The following PIGL variants were observed in gnomAD, a reference collection of about 807,000 sequenced individuals.
PIGL encodes phosphatidylinositol glycan anchor biosynthesis class L, also known as N-acetylglucosaminyl-phosphatidylinositol de-N-acetylase.
In PIGL, 22 loss-of-function variants were observed where a neutral mutation model predicts 31.1. The ratio of observed to expected loss-of-function variants is 0.71; its 90% CI spans 0.51 to 1.01. The LOEUF is 1.01. PIGL is among the 50% of genes least tolerant of loss of function. The pLI is 0.00. For synonymous variants in PIGL, 131 were observed against 117.4 expected (o/e 1.12, Z -0.75); for missense variants, 302 against 315.9 (o/e 0.96, Z 0.33).
At chr17:16,246,892 T>G (rs1318752010) in intron 2 of PIGL, among the ~76,000 whole-genome samples, 2 of 150,606 alleles carry the variant, frequency 1.3e-5, no homozygotes, top group Non-Finnish European at 3.0e-5. Flanking sequence ...GGTTTCACCT[T>G]GTTAGCCAGG....
Position 16,326,085 on chromosome 17 carries a change from C to G in PIGL, c.*187C>G. 1.8e-6 allele frequency: 1 copy of G among 567,502 alleles called. No homozygotes were observed. Among genetic ancestry groups the G allele is most frequent in the Non-Finnish European group, 3.1e-6 (1 of 320,942 alleles). The allele number at this position is 567,502 out of a possible 1,614,324, so 35.2% of individuals were successfully genotyped here. A position where few individuals can be genotyped will look rare whatever the true frequency, so the allele number is the denominator to read the frequency against. ...CCAGCTTCTTCCCCTGGGAAAAAACCCAAAGAACCAAAAACAAACCACCCC... is the reference window on the plus strand; with the variant it reads ...CCAGCTTCTTCCCCTGGGAAAAAACGCAAAGAACCAAAAACAAACCACCCC... On this transcript the variant is annotated 3_prime_UTR_variant, in exon 7 of 7. Transcript: ENST00000225609.
intron 4 of PIGL, 105 bp downstream of exon 4, chr17:16,313,719 A>C (rs2093064635): frequency 2.2e-6 from 2 of 903,292 alleles, no homozygotes; most frequent in Non-Finnish European, 1.9e-6. Context: ...GAGCCCATGA[A>C]ACTCACTGCT....
intron 2 of PIGL, among the ~76,000 whole-genome samples, chr17:16,240,527 A>G (rs2092718234): frequency 6.6e-6 from 1 of 152,008 alleles, no homozygotes; most frequent in Non-Finnish European, 1.5e-5. Context: ...TATTTGAGAC[A>G]GAGTTTTGCT....
intron 2 of PIGL, 165 bp downstream of exon 2, chr17:16,234,235 C>T (rs1600753869): frequency 6.2e-6 from 3 of 485,466 alleles, no homozygotes; most frequent in East Asian, 3.1e-5. Context: ...TTTGGGAGGC[C>T]GAGGTGGGCG....
At chr17:16,246,910 C>G (rs1486297594) in intron 2 of PIGL, among the ~76,000 whole-genome samples, 1 of 150,836 alleles carries the variant, frequency 6.6e-6, no homozygotes, top group Admixed American at 6.6e-5. Flanking sequence ...AGGATGGTCT[C>G]GATCTCCTGA....
intron 2 of PIGL, among the ~76,000 whole-genome samples, chr17:16,293,500 C>T (rs1231086245): frequency 6.6e-6 from 1 of 152,204 alleles, no homozygotes; most frequent in Non-Finnish European, 1.5e-5. Context: ...TGCACTCCAG[C>T]CTGGGTGACA....
At chr17:16,228,696 C>G (rs996321648) in intron 1 of PIGL, among the ~76,000 whole-genome samples, 2 of 152,180 alleles carry the variant, frequency 1.3e-5, no homozygotes, top group Admixed American at 1.3e-4. Flanking sequence ...CGATTTTAAA[C>G]ATTTTTAAGT....
At chr17:16,246,016 G>T (rs1600770837) in intron 2 of PIGL, among the ~76,000 whole-genome samples, 1 of 150,206 alleles carries the variant, frequency 6.7e-6, no homozygotes. Context: ...GTAGAGACGG[G>T]GTTTCACCAT....
At chr17:16,322,550 T>A (rs564391276) in intron 6 of PIGL, among the ~76,000 whole-genome samples, 1 of 152,368 alleles carries the variant, frequency 6.6e-6, no homozygotes, top group East Asian at 1.9e-4. Context: ...TGTCATTTAA[T>A]TATAAGTAAT....
chr17:16,252,727 T>TA (rs1157397622), intron 2 of PIGL, among the ~76,000 whole-genome samples: 1 of 152,194 alleles, frequency 6.6e-6, no homozygotes, highest in Non-Finnish European at 1.5e-5. Flanking sequence ...ATTTTGATAA[T>TA]ATTTTATTTG....
At chr17:16,236,931 G>T (rs912180889) in intron 2 of PIGL, among the ~76,000 whole-genome samples, 9 of 151,766 alleles carry the variant, frequency 5.9e-5, no homozygotes, top group Non-Finnish European at 1.3e-4. Flanking sequence ...TAAGATGTAT[G>T]TTTTTTATGT....
chr17:16,242,441 A>G (rs2092726692), intron 2 of PIGL, among the ~76,000 whole-genome samples: 3 of 152,022 alleles, frequency 2.0e-5, no homozygotes, highest in Admixed American at 2.0e-4. Flanking sequence ...TGCTGTGAAA[A>G]AGATTTTTTG....
intron 2 of PIGL, among the ~76,000 whole-genome samples, chr17:16,269,759 A>AT (rs34927087): frequency 0.43 from 63,784 of 149,800 alleles, 14,252 homozygotes; most frequent in East Asian, 0.75. Flanking sequence ...AAGAACCTGA[A>AT]TTTTTTTTTT....
At chr17:16,286,837 C>T (rs764938060) in intron 2 of PIGL, among the ~76,000 whole-genome samples, 36 of 152,186 alleles carry the variant, frequency 2.4e-4, no homozygotes, top group Non-Finnish European at 4.7e-4. Context: ...TAGCCACTGA[C>T]TGATGGTACC....
intron 3 of PIGL, among the ~76,000 whole-genome samples, chr17:16,311,910 C>T (rs991217694): frequency 6.6e-6 from 1 of 152,212 alleles, no homozygotes; most frequent in Admixed American, 6.5e-5. Flanking sequence ...CCCCACCTTT[C>T]CCCCTTTTCT....
intron 3 of PIGL, among the ~76,000 whole-genome samples, chr17:16,310,361 T>C (rs779349285): frequency 6.6e-5 from 10 of 151,840 alleles, no homozygotes; most frequent in Non-Finnish European, 1.2e-4. Context: ...TATGTACTTA[T>C]CTTTTCAAAT....
At chr17:16,260,257 G>A (rs898366623) in intron 2 of PIGL, among the ~76,000 whole-genome samples, 13 of 152,212 alleles carry the variant, frequency 8.5e-5, no homozygotes, top group East Asian at 1.9e-4. Flanking sequence ...GCAGGTGCCC[G>A]ATGAAGCCCC....
chr17:16,260,948 G>A (rs1340236384), intron 2 of PIGL, among the ~76,000 whole-genome samples: 7 of 151,788 alleles, frequency 4.6e-5, no homozygotes, highest in African/African-American at 1.5e-4. Flanking sequence ...TGAAACCCCC[G>A]TCTCTACTAA....
Position 16,299,982 on chromosome 17 carries a change from A to T in PIGL, c.426+4A>T. 6.2e-7 allele frequency: 1 copy of T among 1,609,742 alleles called. No individual in the cohort carries two copies. The highest frequency in any genetic ancestry group is 8.5e-7 in the Non-Finnish European group (1 of 1,176,096). ...AGAAGTGAATGGCATCAATCTGGTA[A>T]GGGGGCAGCTCCCTGAATGGAAAAC... is the stretch of plus-strand genomic sequence containing the variant. On this transcript the variant is annotated splice_donor_region_variant and intron_variant, in intron 3 of 6. Coordinates refer to ENST00000225609, the MANE Select transcript of PIGL (RefSeq NM_004278.4).
Sources: gnomAD v4.1 joint callset for allele counts (sites outside exome capture counted in the v4.1 genomes callset) on GRCh38, gnomAD v4.1.1 for gene constraint, MANE v1.5 for transcripts, NCBI Gene and HGNC (gene_info 2026-07-23, HGNC 2026-07-21) for gene names.